The following IQCK variants were observed in gnomAD, a reference collection of about 807,000 sequenced individuals.
The protein encoded by IQCK is IQ domain-containing protein K.
Under a neutral mutation model 28.1 loss-of-function variants are expected in IQCK, and 29 were observed. The ratio of observed to expected loss-of-function variants is 1.03; its 90% CI spans 0.77 to 1.41. The LOEUF is 1.41. IQCK is among the 40% of genes most tolerant of loss of function. The pLI, the probability that IQCK is intolerant of heterozygous loss-of-function variation, is 0.00. For synonymous variants in IQCK, 113 were observed against 115.1 expected, an observed-to-expected ratio of 0.98 and a Z score of 0.12; for missense variants, 359 against 314.7, an observed-to-expected ratio of 1.14 and a Z score of -1.07.
At chr16:19,730,753 C>T (rs1166549980) in intron 2 of IQCK, among the ~76,000 whole-genome samples, 2 of 123,032 alleles carry the variant, frequency 1.6e-5, no homozygotes, top group African/African-American at 1.1e-4. Context: ...GTCTATCTAT[C>T]TATCTTATCT....
chr16:19,730,131 T>G (rs542359593), intron 1 of IQCK, among the ~76,000 whole-genome samples: 1 of 152,136 alleles, frequency 6.6e-6, no homozygotes, highest in African/African-American at 2.4e-5. Context: ...AATTTTTGTA[T>G]TTTTAGTAAA....
chr16:19,780,904 A>G (rs2055473124), intron 6 of IQCK, among the ~76,000 whole-genome samples: 1 of 152,212 alleles, frequency 6.6e-6, no homozygotes, highest in South Asian at 2.1e-4. Flanking sequence ...TTTTATTTCA[A>G]TATAATTGGT....
At chr16:19,757,457 G>T (rs2151704077) in intron 4 of IQCK, among the ~76,000 whole-genome samples, 1 of 152,324 alleles carries the variant, frequency 6.6e-6, no homozygotes, top group Non-Finnish European at 1.5e-5. Flanking sequence ...TAGATCACTT[G>T]AGGCCAGCAG....
At chr16:19,756,890 C>T (rs1183868400) in intron 4 of IQCK, among the ~76,000 whole-genome samples, 1 of 137,504 alleles carries the variant, frequency 7.3e-6, no homozygotes, top group Non-Finnish European at 1.5e-5. Flanking sequence ...GAGCAAGGCT[C>T]CATGTCAAAA....
chr16:19,738,552 C>T (rs1458733896), intron 4 of IQCK, among the ~76,000 whole-genome samples: 2 of 152,154 alleles, frequency 1.3e-5, no homozygotes, highest in African/African-American at 4.8e-5. Flanking sequence ...TAGCCCAGGA[C>T]AAGTCATTTC....
In IQCK at chr16:19,774,075, A is replaced by T. The variant is rs147764081; in HGVS notation, c.605+9963A>T. On this transcript the variant is annotated intron_variant, in intron 6 of 7. Transcript: ENST00000564186. Reference sequence around the variant, plus strand: ...GCTGAAGAAGATGACAGTGAGTCAAATCCCAAAGTTGCCAAAGGAAGTGTA... The same window carrying T: ...GCTGAAGAAGATGACAGTGAGTCAATTCCCAAAGTTGCCAAAGGAAGTGTA... 4.6e-5 allele frequency among the ~76,000 whole-genome samples: 7 copies of T among 152,302 alleles called. No individual in the cohort carries two copies. In the East Asian group the frequency reaches 1.4e-3, roughly 29 times the overall value.
intron 6 of IQCK, among the ~76,000 whole-genome samples, chr16:19,782,997 TTG>T (rs879459659): frequency 1.3e-5 from 2 of 150,780 alleles, no homozygotes; most frequent in Non-Finnish European, 1.5e-5. Flanking sequence ...TCTTCTTTTT[TTG>T]TGTGTGTGTG....
intron 7 of IQCK, chr16:19,819,718 C>T (rs71384426): frequency 0.012 from 1,761 of 152,194 alleles, 14 homozygotes; most frequent in South Asian, 0.019. Context: ...TTATTTAGAA[C>T]GTCCATACAT....
At chr16:19,720,398 G>A (rs1977456745) in intron 1 of IQCK, among the ~76,000 whole-genome samples, 1 of 152,174 alleles carries the variant, frequency 6.6e-6, no homozygotes, top group Non-Finnish European at 1.5e-5. Flanking sequence ...AAGCCAAACA[G>A]TTTCTTATAA....
At chr16:19,805,225 G>A (rs2055819134) in intron 7 of IQCK, among the ~76,000 whole-genome samples, 1 of 126,688 alleles carries the variant, frequency 7.9e-6, no homozygotes. Context: ...GAAGAGAGAT[G>A]GCATCTGGCA....
At chr16:19,813,054 T>C (rs1409463881) in intron 7 of IQCK, among the ~76,000 whole-genome samples, 1 of 152,224 alleles carries the variant, frequency 6.6e-6, no homozygotes, top group Non-Finnish European at 1.5e-5. Context: ...TCCCAGGTGA[T>C]GCTGATATTT....
intron 4 of IQCK, among the ~76,000 whole-genome samples, chr16:19,763,310 C>T (rs1211992659): frequency 1.3e-5 from 2 of 152,008 alleles, no homozygotes; most frequent in African/African-American, 4.8e-5. Flanking sequence ...AGTGGATCAT[C>T]ATAAAGGTCT....
intron 7 of IQCK, among the ~76,000 whole-genome samples, chr16:19,804,058 T>G (rs1233831135): frequency 6.6e-6 from 1 of 152,172 alleles, no homozygotes; most frequent in East Asian, 1.9e-4. Context: ...TGAAAAGTAC[T>G]GGAGGTTCTT....
rs369589127 is a variant in IQCK at position 19,798,396 on chromosome 16, G to A, written c.690+9474G>A. 4.2e-5 allele frequency among the ~76,000 whole-genome samples: 5 copies of A among 119,590 alleles called. No homozygotes were observed. In the South Asian group the frequency reaches 9.7e-4, roughly 23 times the overall value. 78.5% of individuals were successfully genotyped at this position (119,590 alleles called of 152,430 possible). The stretch of plus-strand genomic sequence containing the variant: ...TCATGCCATTGCACTCCAGCCTGGC[G>A]ACAGAGCCAGAGTCCATCACAAAAA... On this transcript the variant is annotated intron_variant, in intron 7 of 7. Coordinates refer to ENST00000564186, the Ensembl canonical transcript of IQCK.
At chr16:19,743,880 G>C (rs1179423686) in intron 4 of IQCK, among the ~76,000 whole-genome samples, 1 of 152,214 alleles carries the variant, frequency 6.6e-6, no homozygotes, top group Non-Finnish European at 1.5e-5. Context: ...AGGAAGACCA[G>C]GGGGAACAGA....
chr16:19,847,482 C>T (rs954767317), intron 9 of IQCK, among the ~76,000 whole-genome samples: 4 of 152,232 alleles, frequency 2.6e-5, no homozygotes, highest in South Asian at 4.1e-4. Flanking sequence ...TCATGCCCCA[C>T]GCGGTGTCCC....
At chr16:19,844,801 TTTTTG>T (rs1005327525) in intron 9 of IQCK, among the ~76,000 whole-genome samples, 25 of 151,708 alleles carry the variant, frequency 1.6e-4, no homozygotes, top group African/African-American at 5.6e-4. Flanking sequence ...GATGGGAAGT[TTTTTG>T]TTTTGTTTTG....
At chr16:19,857,689 A>G (rs2056578744) in exon 10 of IQCK, 1 of 197,640 alleles carries the variant, frequency 5.1e-6, no homozygotes, top group Admixed American at 6.2e-5. Context: ...GCCTTGGCCA[A>G]CCGAGACCAC....
In IQCK at chr16:19,807,356, C is replaced by T. The variant is rs1038355932; in HGVS notation, c.690+18434C>T. 3.9e-5 allele frequency among the ~76,000 whole-genome samples: 6 copies of T among 152,318 alleles called. 1 individual carries two copies. The highest frequency in any genetic ancestry group is 2.1e-4 in the South Asian group (1 of 4,830). The stretch of plus-strand genomic sequence containing the variant: ...ATTGTGTTGTTTCTTAAACCTGCCA[C>T]GCCTGGGGGATGTTTGTTATGCAGC... On this transcript the variant is annotated intron_variant, in intron 7 of 7. Transcript: ENST00000564186.
Sources: gnomAD v4.1 joint callset for allele counts (sites outside exome capture counted in the v4.1 genomes callset) on GRCh38, gnomAD v4.1.1 for gene constraint, MANE v1.5 for transcripts, NCBI Gene and HGNC (gene_info 2026-07-23, HGNC 2026-07-21) for gene names.